The following RAP1B variants were observed in gnomAD, a reference collection of about 807,000 sequenced individuals.
The protein encoded by RAP1B is ras-related protein Rap-1b.
A neutral mutation model predicts 27.5 loss-of-function variants in RAP1B; 1 was observed. The observed-to-expected ratio is 0.04, with a 90% confidence interval of 0.01 to 0.17. RAP1B has a LOEUF of 0.17. Among genes scored for constraint, RAP1B ranks in the 10% least tolerant of loss-of-function variants. The pLI is 1.00. For synonymous variants in RAP1B, 75 were observed against 73.1 expected (o/e 1.03, Z -0.13); for missense variants, 84 against 214.8 (o/e 0.39, Z 3.81).
intron 1 of RAP1B, among the ~76,000 whole-genome samples, chr12:68,615,967 AT>A (rs11361027): frequency 0.7 from 102,827 of 145,988 alleles, 36,177 homozygotes; most frequent in African/African-American, 0.78. Flanking sequence ...AATAATTTGG[AT>A]TTTTTTTTTT....
chr12:68,663,999 T>C lies in RAP1B; in HGVS notation c.*4750T>C, dbSNP rs1025501616. 1 of 152,196 alleles carries C rather than the reference T, an allele frequency of 6.6e-6. No individual in the cohort carries two copies. The highest frequency in any genetic ancestry group is 2.4e-5 in the African/African-American group (1 of 41,450). 9.4% of individuals were successfully genotyped at this position (152,196 alleles called of 1,614,324 possible). A position where few individuals can be genotyped will look rare whatever the true frequency, so the allele number is the denominator to read the frequency against. ...TTTTTATTCATAGGTAATCTAATTT[T>C]TCTCATTTCTCCAAAAGGGTACGAA... is the stretch of plus-strand genomic sequence containing the variant. On this transcript the variant is annotated 3_prime_UTR_variant, in exon 8 of 8. Coordinates refer to ENST00000250559, the MANE Select transcript of RAP1B (RefSeq NM_001010942.3).
chr12:68,619,967 T>A (rs1002706316), intron 1 of RAP1B, among the ~76,000 whole-genome samples: 1 of 152,172 alleles, frequency 6.6e-6, no homozygotes, highest in Non-Finnish European at 1.5e-5. Flanking sequence ...GTCCAAAGTC[T>A]AACATAATCC....
chr12:68,631,569 C>G (rs913866019), intron 1 of RAP1B, among the ~76,000 whole-genome samples: 2 of 152,238 alleles, frequency 1.3e-5, no homozygotes, highest in African/African-American at 4.8e-5. Context: ...TTTTCCTATT[C>G]CTTTGTGCCC....
chr12:68,636,195 G>A (rs1217876644), intron 1 of RAP1B, among the ~76,000 whole-genome samples: 1 of 151,938 alleles, frequency 6.6e-6, no homozygotes, highest in South Asian at 2.1e-4. Context: ...ATTTTTTTTG[G>A]CATATTTTAA....
intron 1 of RAP1B, among the ~76,000 whole-genome samples, chr12:68,620,449 C>G (rs1871312461): frequency 6.6e-6 from 1 of 152,064 alleles, no homozygotes; most frequent in Non-Finnish European, 1.5e-5. Flanking sequence ...TCCCGAACTC[C>G]TGACCTCAGG....
intron 4 of RAP1B, 40 bp downstream of exon 4, chr12:68,652,091 A>G (rs1873851040): frequency 6.9e-7 from 1 of 1,456,436 alleles, no homozygotes; most frequent in East Asian, 2.3e-5. Flanking sequence ...CACCGTTTGT[A>G]CAGTATTGAC....
At chr12:68,643,242 T>C (rs991100004) in intron 1 of RAP1B, among the ~76,000 whole-genome samples, 13 of 152,184 alleles carry the variant, frequency 8.5e-5, no homozygotes, top group Non-Finnish European at 1.9e-4. Context: ...ACTTAATCCT[T>C]ATTTTCTACT....
intron 1 of RAP1B, among the ~76,000 whole-genome samples, chr12:68,616,487 C>G (rs1284514160): frequency 4.1e-5 from 6 of 145,730 alleles, no homozygotes; most frequent in Admixed American, 6.9e-5. Context: ...CTCTCTGTCC[C>G]CCAGGCTGGA....
At chr12:68,616,100 ACTACAGGCGCCCGCCACCACACCT>A (rs1870980024) in intron 1 of RAP1B, among the ~76,000 whole-genome samples, 1 of 151,314 alleles carries the variant, frequency 6.6e-6, no homozygotes, top group Non-Finnish European at 1.5e-5. Context: ...AGTAGCTGAG[ACTACAGGCGCCCGCCACCACACCT>A]GGCTAATTTT....
chr12:68,647,379 CACT>C (rs1157685431), intron 1 of RAP1B, among the ~76,000 whole-genome samples: 253 of 24,282 alleles, frequency 0.01, no homozygotes, highest in Non-Finnish European at 0.015. Context: ...CCCCCCACTC[CACT>C]CCCCGCCCCC....
At chr12:68,647,453 T>G (rs570494645) in intron 1 of RAP1B, among the ~76,000 whole-genome samples, 1 of 138,666 alleles carries the variant, frequency 7.2e-6, no homozygotes, top group Non-Finnish European at 1.5e-5. Flanking sequence ...GCTCCTGATT[T>G]CAAGTGATCC....
rs868265391 is a variant in RAP1B at position 68,665,133 on chromosome 12, G to C, written c.*5884G>C. On this transcript the variant is annotated 3_prime_UTR_variant, in exon 8 of 8. Transcript: ENST00000250559. ...AGGGAGACCCTGTCACTTGACAAAA[G>C]TATCTTTCCCTACTGGAAATGGAAT... is the stretch of plus-strand genomic sequence containing the variant. 6.6e-6 allele frequency: 1 copy of C among 152,214 alleles called. No individual in the cohort carries two copies. The highest frequency in any genetic ancestry group is 6.6e-5 in the Admixed American group (1 of 15,260). 9.4% of individuals were successfully genotyped at this position (152,214 alleles called of 1,614,324 possible).
rs1214768285 is a variant in RAP1B at position 68,670,976 on chromosome 12, C to G, written c.*11727C>G. On this transcript the variant is annotated 3_prime_UTR_variant, in exon 8 of 8. Coordinates refer to ENST00000250559, the MANE Select transcript of RAP1B (RefSeq NM_001010942.3). ...CTAGGAGGCGAAAGTTGCAGTGAGC[C>G]AAGATGGTGCCATTGCACTCCAGCC... 1.4e-5 allele frequency: 2 copies of G among 146,452 alleles called. No individual in the cohort carries two copies. Among genetic ancestry groups the G allele is most frequent in the African/African-American group, 5.1e-5 (2 of 39,306 alleles). The allele number at this position is 146,452 out of a possible 1,614,324, so 9.1% of individuals were successfully genotyped here.
In RAP1B at chr12:68,656,295, T is replaced by C; in HGVS notation, c.325-11T>C. On this transcript the variant is annotated splice_polypyrimidine_tract_variant and intron_variant, in intron 5 of 7. Transcript: ENST00000250559. ...ACTTATTTATTTTTACTCTCACAAA[T>C]GTATTTTTAGGTTCCAATGATTCTT... 2 of 1,590,562 alleles carry C rather than the reference T, an allele frequency of 1.3e-6. No individual in the cohort carries two copies. The highest frequency in any genetic ancestry group is 1.7e-6 in the Non-Finnish European group (2 of 1,159,760).
intron 1 of RAP1B, among the ~76,000 whole-genome samples, chr12:68,619,528 T>C (rs1261192605): frequency 6.6e-6 from 1 of 152,212 alleles, no homozygotes; most frequent in East Asian, 1.9e-4. Flanking sequence ...CATAAAAGTT[T>C]ATCAATAAGG....
intron 1 of RAP1B, among the ~76,000 whole-genome samples, chr12:68,645,295 C>A (rs974245251): frequency 4.6e-5 from 7 of 152,160 alleles, no homozygotes; most frequent in African/African-American, 1.7e-4. Context: ...TATAGAAAAC[C>A]ACAATTTGAA....
intron 1 of RAP1B, among the ~76,000 whole-genome samples, chr12:68,629,039 A>C (rs565782657): frequency 1.3e-5 from 2 of 151,070 alleles, no homozygotes; most frequent in African/African-American, 4.8e-5. Flanking sequence ...GTCTCTGTCT[A>C]TTTTGAGACA....
In RAP1B at chr12:68,648,717, C is replaced by T. The variant is rs368682515; in HGVS notation, c.-8C>T. The stretch of plus-strand genomic sequence containing the variant: ...TAATAAGGTACTAGGTTTTGACAAG[C>T]TTGCATCATGCGTGAGTATAAGCTA... On this transcript the variant is annotated 5_prime_UTR_variant, in exon 2 of 8. Transcript: ENST00000250559. The T allele has an allele frequency of 5.0e-6, 8 of 1,609,222 alleles. No homozygotes were observed. The South Asian group carries it at 6.6e-5, about 13-fold the overall frequency.
At chr12:68,656,271 CTTAT>C (rs1313108434) in intron 5 of RAP1B, 31 bp from the exon 6 acceptor site, 4 of 1,547,500 alleles carry the variant, frequency 2.6e-6, no homozygotes, top group Non-Finnish European at 3.6e-6. Context: ...AGCATATTTA[CTTAT>C]TTATTTTTAC....
Sources: allele counts gnomAD v4.1 joint callset (sites outside exome capture counted in the v4.1 genomes callset), GRCh38; gene constraint gnomAD v4.1.1; transcripts MANE v1.5; gene names NCBI Gene and HGNC (gene_info 2026-07-23, HGNC 2026-07-21).